COL28A1: variants seen among roughly 807,000 people sequenced by gnomAD.
COL28A1 encodes collagen alpha-1(XXVIII) chain.
A neutral mutation model predicts 150.2 loss-of-function variants in COL28A1; 161 were observed. That is an observed-to-expected ratio of 1.07 (90% CI 0.94 to 1.22). COL28A1 has a LOEUF of 1.22. Among genes scored for constraint, COL28A1 ranks in the 50% most tolerant of loss-of-function variants. COL28A1 has a pLI of 0.00. For synonymous variants in COL28A1, 552 were observed against 469.7 expected, an observed-to-expected ratio of 1.18 and a Z score of -2.26; for missense variants, 1,617 against 1,388.3, an observed-to-expected ratio of 1.16 and a Z score of -2.62.
At position 7,417,548 on chromosome 7, in the gene COL28A1, G is replaced by GAGAGACA. The variant is rs1277932744; in HGVS notation, c.2136+310_2136+311insTGTCTCT. On this transcript the variant is annotated intron_variant, in intron 27 of 34. Coordinates refer to ENST00000399429, the MANE Select transcript of COL28A1 (RefSeq NM_001037763.3). Reference sequence around the variant, plus strand: ...GGGGAGGGAGGGAGGGAGGGGGGGGGGAGAGAGAGAGAGAGAGAGAGCAAC... The same window carrying GAGAGACA: ...GGGGAGGGAGGGAGGGAGGGGGGGGGAGAGACAGAGAGAGAGAGAGAGAGAGAGCAAC... 55 of 33,462 alleles carry GAGAGACA rather than the reference G, an allele frequency of 1.6e-3. 2 individuals carry two copies. The highest frequency in any genetic ancestry group is 0.013 in the African/African-American group (48 of 3,586). 2.1% of individuals were successfully genotyped at this position (33,462 alleles called of 1,614,324 possible). A position where few individuals can be genotyped will look rare whatever the true frequency, so the allele number is the denominator to read the frequency against.
In COL28A1 at chr7:7,490,589, G is replaced by A; in HGVS notation, c.1084C>T (p.Gln362Ter). 7.6e-7 allele frequency: 1 copy of A among 1,321,116 alleles called. No homozygotes were observed. The highest frequency in any genetic ancestry group is 1.1e-6 in the Non-Finnish European group (1 of 913,582). The allele number at this position is 1,321,116 out of a possible 1,614,324, so 81.8% of individuals were successfully genotyped here. Reference sequence around the variant, plus strand: ...ACAAGTATCTTTACCTTAATACCTTGCTGTCCAATTCCAGGAGCTCCTGGA... The same window carrying A: ...ACAAGTATCTTTACCTTAATACCTTACTGTCCAATTCCAGGAGCTCCTGGA... ...GSPGAPGIGQ[Q>*]GIKGERGQEG... is the part of the protein sequence containing the mutation. The change falls in exon 12 of 35, where the codon CAA becomes TAA. Residue 362 changes from glutamine to a stop codon, truncating the protein, a stop_gained. Transcript: ENST00000399429. LOFTEE classifies it high-confidence loss of function.
intron 3 of COL28A1, among the ~76,000 whole-genome samples, chr7:7,529,330 G>A (rs973261798): frequency 3.3e-5 from 5 of 150,778 alleles, no homozygotes; most frequent in African/African-American, 1.2e-4. Context: ...CCTTCTAGAT[G>A]GTGGCAATTT....
chr7:7,338,454 A>C, the COL28A1 span, among the ~76,000 whole-genome samples: 3 of 151,920 alleles, frequency 2.0e-5, no homozygotes, highest in Non-Finnish European at 4.4e-5. Flanking sequence ...CTTTGTAGCT[A>C]TTGTAAATAG....
At chr7:7,365,843 T>C (rs1178003394) in intron 33 of COL28A1, among the ~76,000 whole-genome samples, 1 of 152,140 alleles carries the variant, frequency 6.6e-6, no homozygotes, top group Non-Finnish European at 1.5e-5. Flanking sequence ...TCAGGAGTCC[T>C]TCTTGATTGA....
intron 9 of COL28A1, among the ~76,000 whole-genome samples, chr7:7,508,334 C>G (rs1780935965): frequency 6.6e-6 from 1 of 152,100 alleles, no homozygotes; most frequent in Non-Finnish European, 1.5e-5. Context: ...ACTCATTTCC[C>G]TAGCTTTGAC....
intron 9 of COL28A1, among the ~76,000 whole-genome samples, chr7:7,508,366 T>C (rs1780938215): frequency 6.6e-6 from 1 of 152,238 alleles, no homozygotes; most frequent in Admixed American, 6.5e-5. Context: ...ATGAACATCT[T>C]TATGTATAAA....
chr7:7,433,362 G>A lies in COL28A1; in HGVS notation c.1861-662C>T, dbSNP rs180902538. ...GAAGATTACCTACAAGTGGCCGGGT[G>A]CGGTGGCTCACGCCTGTAATCCCAG... On this transcript the variant is annotated intron_variant, in intron 23 of 34. Coordinates refer to ENST00000399429, the MANE Select transcript of COL28A1 (RefSeq NM_001037763.3). 2.0e-3 allele frequency among the ~76,000 whole-genome samples: 299 copies of A among 152,250 alleles called. 1 individual carries two copies. Among genetic ancestry groups the A allele is most frequent in the African/African-American group, 6.7e-3 (280 of 41,550 alleles).
intron 9 of COL28A1, among the ~76,000 whole-genome samples, chr7:7,509,741 T>C (rs1781019883): frequency 6.6e-6 from 1 of 152,214 alleles, no homozygotes; most frequent in Admixed American, 6.5e-5. Context: ...TCAACCATTT[T>C]AATTTCATCT....
Position 7,443,669 on chromosome 7 carries a change from C to G in COL28A1, c.1582-16G>C, listed in dbSNP as rs1414489894. Reference sequence around the variant, plus strand: ...CCGCTTCTCCCTAGAGAAAATGACACTGATGTGTTAGCTGACCCTCCAGTA... The same window carrying G: ...CCGCTTCTCCCTAGAGAAAATGACAGTGATGTGTTAGCTGACCCTCCAGTA... On this transcript the variant is annotated splice_polypyrimidine_tract_variant and intron_variant, in intron 19 of 34. Transcript: ENST00000399429. 4 of 1,613,888 alleles carry G rather than the reference C, an allele frequency of 2.5e-6. No homozygotes were observed. The highest frequency in any genetic ancestry group is 3.3e-5 in the Admixed American group (2 of 59,996).
chr7:7,380,136 A>C (rs568970601), intron 30 of COL28A1, among the ~76,000 whole-genome samples: 1 of 152,110 alleles, frequency 6.6e-6, no homozygotes, highest in African/African-American at 2.4e-5. Flanking sequence ...GACTTTAAAG[A>C]GTCAGTTTTC....
At chr7:7,370,266 G>A (rs1781151210) in intron 33 of COL28A1, among the ~76,000 whole-genome samples, 1 of 152,126 alleles carries the variant, frequency 6.6e-6, no homozygotes, top group Non-Finnish European at 1.5e-5. Flanking sequence ...CAAACACATG[G>A]CTTGGAGTGT....
intron 11 of COL28A1, among the ~76,000 whole-genome samples, chr7:7,498,454 G>T (rs1043649134): frequency 6.6e-6 from 1 of 152,154 alleles, no homozygotes; most frequent in African/African-American, 2.4e-5. Context: ...TACCCTTGGA[G>T]GCTGGGAGGA....
chr7:7,429,334 T>G (rs1784813334), intron 25 of COL28A1, among the ~76,000 whole-genome samples: 1 of 152,166 alleles, frequency 6.6e-6, no homozygotes, highest in Non-Finnish European at 1.5e-5. Flanking sequence ...TTTCCCGTAC[T>G]TTACCAAGCA....
intron 33 of COL28A1, among the ~76,000 whole-genome samples, chr7:7,365,043 T>A (rs1780861254): frequency 6.6e-6 from 1 of 152,156 alleles, no homozygotes; most frequent in African/African-American, 2.4e-5. Context: ...TAACATGACT[T>A]CCAACTCTAA....
the COL28A1 span, among the ~76,000 whole-genome samples, chr7:7,343,029 G>T: frequency 6.6e-6 from 1 of 151,944 alleles, no homozygotes; most frequent in Non-Finnish European, 1.5e-5. Context: ...AAACATGAAA[G>T]ATACTCCTTC....
At position 7,415,745 on chromosome 7, in the gene COL28A1, G is replaced by C. The variant is rs540013389; in HGVS notation, c.2136+2114C>G. Among the ~76,000 whole-genome samples, 373 of 152,196 alleles carry C rather than the reference G, an allele frequency of 2.5e-3. 1 individual carries two copies. Among genetic ancestry groups the C allele is most frequent in the Middle Eastern group, 0.01 (3 of 294 alleles). ...GATGGGGTTTCACCATATTGGTGAG[G>C]CTGGTCTCAAACTCCTGACCTCATG... On this transcript the variant is annotated intron_variant, in intron 27 of 34. Coordinates refer to ENST00000399429, the MANE Select transcript of COL28A1 (RefSeq NM_001037763.3).
intron 15 of COL28A1, among the ~76,000 whole-genome samples, chr7:7,460,217 C>A (rs1263724063): frequency 6.6e-6 from 1 of 152,178 alleles, no homozygotes; most frequent in African/African-American, 2.4e-5. Flanking sequence ...AGTCAACAAG[C>A]CTTGCTAAAA....
At chr7:7,372,318 G>A (rs1263320162) in intron 32 of COL28A1, among the ~76,000 whole-genome samples, 2 of 151,680 alleles carry the variant, frequency 1.3e-5, no homozygotes, top group East Asian at 3.9e-4. Context: ...AGAATCACTT[G>A]AACCCGGGAA....
intron 27 of COL28A1, among the ~76,000 whole-genome samples, chr7:7,403,017 G>A (rs987676201): frequency 6.6e-6 from 1 of 152,144 alleles, no homozygotes; most frequent in East Asian, 1.9e-4. Context: ...CTCACAGTCT[G>A]GTGGTTAGAT....
Sources: allele counts gnomAD v4.1 joint callset (sites outside exome capture counted in the v4.1 genomes callset), GRCh38; gene constraint gnomAD v4.1.1; transcripts MANE v1.5; gene names NCBI Gene and HGNC (gene_info 2026-07-23, HGNC 2026-07-21).